The following ANHX variants were observed in gnomAD, a reference collection of about 807,000 sequenced individuals.
ANHX encodes the protein anomalous homeobox, also known as anomalous homeobox protein.
A neutral mutation model predicts 38.9 loss-of-function variants in ANHX; 20 were observed. The observed-to-expected ratio is 0.51, with a 90% CI of 0.36 to 0.75. The LOEUF (loss-of-function observed/expected upper bound fraction) is 0.75, where lower values mean the gene tolerates loss of function less well. ANHX is among the 30% of genes least tolerant of loss of function. The pLI, the probability that ANHX is intolerant of heterozygous loss-of-function variation, is 0.00. For synonymous variants in ANHX, 185 were observed against 203.1 expected, an observed-to-expected ratio of 0.91 and a Z score of 0.76; for missense variants, 475 against 493.1, an observed-to-expected ratio of 0.96 and a Z score of 0.35.
rs528363630 is a variant in ANHX at position 133,227,683 on chromosome 12, G to C, written c.501+141C>G. On this transcript the variant is annotated intron_variant, in intron 4 of 9. Transcript: ENST00000545940. ...ACAGGACAGTCTGCCAATCAACAAG[G>C]TCCCTGTCCAGAGGAGGGGCTGAAA... is the stretch of plus-strand genomic sequence containing the variant. 3.9e-4 allele frequency: 354 copies of C among 908,296 alleles called. No individual in the cohort carries two copies. The African/African-American group carries it at 4.0e-3, about 10-fold the overall frequency. The allele number at this position is 908,296 out of a possible 1,614,324, so 56.3% of individuals were successfully genotyped here.
chr12:133,226,982 G>T lies in ANHX; in HGVS notation c.672C>A (p.Gly224=), dbSNP rs999885420. 4 of 1,533,932 alleles carry T rather than the reference G, an allele frequency of 2.6e-6. No homozygotes were observed. The African/African-American group carries it at 4.1e-5, about 16-fold the overall frequency. ...CAAACCCAGAGTCAACACGGGGGTT[G>T]CCTGAGGGCTGCAGGAGGTCAGGAC... ...ERGPDLLQPS[G]NPRVDSGFVD... Residue 224 remains glycine (G), a synonymous_variant, in exon 5 of 10, where the codon GGC becomes GGA. Transcript: ENST00000545940.
Position 133,234,845 on chromosome 12 carries a change from T to A in ANHX, c.-22-467A>T, listed in dbSNP as rs887140945. On this transcript the variant is annotated intron_variant, in intron 1 of 9. Transcript: ENST00000545940. ...TCCTGCATCCACACAGGAGGAACCT[T>A]TACTTGTTCTAACGGTGCCTCACCT... 4.3e-5 allele frequency: 7 copies of A among 162,250 alleles called. No homozygotes were observed. The South Asian group carries it at 6.5e-4, about 15-fold the overall frequency. 10.1% of individuals were successfully genotyped at this position (162,250 alleles called of 1,614,324 possible). A position where few individuals can be genotyped will look rare whatever the true frequency, so the allele number is the denominator to read the frequency against.
chr12:133,223,983 A>G (rs1453682109), intron 7 of ANHX, among the ~76,000 whole-genome samples: 1 of 152,216 alleles, frequency 6.6e-6, no homozygotes, highest in Non-Finnish European at 1.5e-5. Context: ...CATTTTTAGA[A>G]CAAATGAGGA....
At chr12:133,228,671 G>A (rs1221033632) in intron 3 of ANHX, among the ~76,000 whole-genome samples, 1 of 152,136 alleles carries the variant, frequency 6.6e-6, no homozygotes, top group African/African-American at 2.4e-5. Context: ...AAATGCCTGT[G>A]GGGCCCCTGG....
At chr12:133,226,246 C>T in intron 6 of ANHX, 72 bp downstream of exon 6, 1 of 1,535,020 alleles carries the variant, frequency 6.5e-7, no homozygotes, top group Non-Finnish European at 8.7e-7. Flanking sequence ...TACTTCATGC[C>T]CTAGTCTCCA....
At chr12:133,229,370 T>C (rs1566409080) in intron 3 of ANHX, among the ~76,000 whole-genome samples, 1 of 152,194 alleles carries the variant, frequency 6.6e-6, no homozygotes, top group African/African-American at 2.4e-5. Flanking sequence ...ACATCTAAAA[T>C]GCATCTCGCA....
At position 133,218,471 on chromosome 12, in the gene ANHX, AATCTC is replaced by A. The variant is rs1371727467; in HGVS notation, c.*409_*413del. On this transcript the variant is annotated 3_prime_UTR_variant, in exon 10 of 10. Coordinates refer to ENST00000545940, the MANE Select transcript of ANHX (RefSeq NM_001372060.1). ...CAAGGGAGAAGCCCCTACACACAGA[AATCTC>A]AGAACACTCCTCATACCTCACTCAG... 1 of 156,974 alleles carries A rather than the reference AATCTC, an allele frequency of 6.4e-6. No homozygotes were observed. The highest frequency in any genetic ancestry group is 1.4e-5 in the Non-Finnish European group (1 of 71,600). The allele number at this position is 156,974 out of a possible 1,614,324, so 9.7% of individuals were successfully genotyped here.
At chr12:133,220,006 C>T (rs532560745) in intron 8 of ANHX, among the ~76,000 whole-genome samples, 79 of 152,240 alleles carry the variant, frequency 5.2e-4, no homozygotes, top group African/African-American at 1.6e-3. Context: ...AACAAAGACC[C>T]GAAAATATAC....
intron 7 of ANHX, among the ~76,000 whole-genome samples, chr12:133,225,234 T>C (rs1957173937): frequency 6.6e-6 from 1 of 152,042 alleles, no homozygotes; most frequent in African/African-American, 2.4e-5. Flanking sequence ...TGTTAATAGA[T>C]AAATCAAGTG....
In ANHX at chr12:133,218,690, T is replaced by C. The variant is rs371613623; in HGVS notation, c.*195A>G. On this transcript the variant is annotated 3_prime_UTR_variant, in exon 10 of 10. Coordinates refer to ENST00000545940, the MANE Select transcript of ANHX (RefSeq NM_001372060.1). ...ACGAACATTTCTCAAATGCTTTCTCTACTACAGGGAATTGCTAACCAAACT... is the reference window on the plus strand; with the variant it reads ...ACGAACATTTCTCAAATGCTTTCTCCACTACAGGGAATTGCTAACCAAACT... The C allele has an allele frequency of 5.1e-5, 23 of 455,176 alleles. No individual in the cohort carries two copies. The highest frequency in any genetic ancestry group is 1.7e-4 in the East Asian group (5 of 29,758). 28.2% of individuals were successfully genotyped at this position (455,176 alleles called of 1,614,324 possible). A position where few individuals can be genotyped will look rare whatever the true frequency, so the allele number is the denominator to read the frequency against.
rs888589716 is a variant in ANHX at position 133,218,469 on chromosome 12, G to C, written c.*416C>G. 3.8e-5 allele frequency: 6 copies of C among 156,924 alleles called. No individual in the cohort carries two copies. Among genetic ancestry groups the C allele is most frequent in the Admixed American group, 6.4e-5 (1 of 15,518 alleles). The allele number at this position is 156,924 out of a possible 1,614,324, so 9.7% of individuals were successfully genotyped here. ...CTCAAGGGAGAAGCCCCTACACACA[G>C]AAATCTCAGAACACTCCTCATACCT... On this transcript the variant is annotated 3_prime_UTR_variant, in exon 10 of 10. Transcript: ENST00000545940.
chr12:133,224,831 G>C (rs532643905), intron 7 of ANHX, among the ~76,000 whole-genome samples: 1 of 151,198 alleles, frequency 6.6e-6, no homozygotes. Flanking sequence ...GCCAGGCGTG[G>C]TGGCGGGCGC....
intron 3 of ANHX, among the ~76,000 whole-genome samples, chr12:133,231,139 T>C (rs376978752): frequency 1.3e-5 from 2 of 152,186 alleles, no homozygotes; most frequent in Non-Finnish European, 2.9e-5. Flanking sequence ...TGTTCCCACC[T>C]GCCCTCCATC....
At chr12:133,226,637 G>T (rs1244682875) in intron 5 of ANHX, among the ~76,000 whole-genome samples, 199 bp from the exon 6 acceptor site, 1 of 152,170 alleles carries the variant, frequency 6.6e-6, no homozygotes, top group Non-Finnish European at 1.5e-5. Flanking sequence ...CCCGGTGCTT[G>T]GTTCACTTCT....
rs1249694472 is a variant in ANHX, at chr12:133,235,803, T to G, written c.-23+4A>C. 2 of 117,190 alleles carry G rather than the reference T, an allele frequency of 1.7e-5. No individual in the cohort carries two copies. Among genetic ancestry groups the G allele is most frequent in the Admixed American group, 8.7e-5 (1 of 11,518 alleles). The allele number at this position is 117,190 out of a possible 1,614,324, so 7.3% of individuals were successfully genotyped here. On this transcript the variant is annotated splice_donor_region_variant and intron_variant, in intron 1 of 9. Transcript: ENST00000545940. ...CCGGACCCCCCTGCCCGCGCGCCCC[T>G]CACCCTCCGGGACCCGCTTCAGCGC...
intron 4 of ANHX, 86 bp downstream of exon 4, chr12:133,227,738 G>T: frequency 6.1e-6 from 9 of 1,474,326 alleles, no homozygotes; most frequent in Non-Finnish European, 8.1e-6. Flanking sequence ...TGAGGCCACT[G>T]AGGAGCCTGG....
Position 133,226,432 on chromosome 12 carries a change from C to A in ANHX, c.725G>T (p.Arg242Leu). ...FVDRPQWSEE[R>L]EEKGPPQSPQ... is the part of the protein sequence containing the mutation. Reference sequence around the variant, plus strand: ...GGACTGTGGAGGCCCCTTTTCCTCACGTTCCTCTGAAAGTGATGAGATGGG... The same window carrying A: ...GGACTGTGGAGGCCCCTTTTCCTCAAGTTCCTCTGAAAGTGATGAGATGGG... Residue 242 changes from arginine (R) to leucine (L), a missense_variant, in exon 6 of 10, where the codon CGT (arginine) becomes CTT (leucine). Physicochemically the swap from Arg to Leu is moderately radical, Grantham distance 102. Coordinates refer to ENST00000545940, the MANE Select transcript of ANHX (RefSeq NM_001372060.1). 2 of 1,533,706 alleles carry A rather than the reference C, an allele frequency of 1.3e-6. No individual in the cohort carries two copies. Among genetic ancestry groups the A allele is most frequent in the South Asian group, 2.4e-5 (2 of 83,896 alleles).
At chr12:133,222,939 C>G (rs1442033662) in intron 7 of ANHX, among the ~76,000 whole-genome samples, 1 of 152,122 alleles carries the variant, frequency 6.6e-6, no homozygotes, top group Non-Finnish European at 1.5e-5. Context: ...GCCTGTAATC[C>G]CAGCACTTTG....
At chr12:133,227,591 C>T (rs1957206863) in intron 4 of ANHX, among the ~76,000 whole-genome samples, 1 of 152,226 alleles carries the variant, frequency 6.6e-6, no homozygotes, top group Admixed American at 6.5e-5. Flanking sequence ...GCTGAGTGAG[C>T]AGCCGTGGGG....
Sources: gnomAD v4.1 joint callset for allele counts (sites outside exome capture counted in the v4.1 genomes callset) on GRCh38, gnomAD v4.1.1 for gene constraint, MANE v1.5 for transcripts, NCBI Gene and HGNC (gene_info 2026-07-23, HGNC 2026-07-21) for gene names.